DAB1: variants seen among roughly 807,000 people sequenced by gnomAD.
DAB1 encodes the protein disabled homolog 1.
Under a neutral mutation model 64.6 loss-of-function variants are expected in DAB1, and 15 were observed. That is an observed-to-expected ratio of 0.23 (90% confidence interval 0.16 to 0.36). The LOEUF (loss-of-function observed/expected upper bound fraction) is 0.36. DAB1 is among the 10% of genes least tolerant of loss of function. DAB1 has a pLI of 1.00. For synonymous variants in DAB1, 235 were observed against 251.9 expected, an observed-to-expected ratio of 0.93 and a Z score of 0.64; for missense variants, 596 against 706.7, an observed-to-expected ratio of 0.84 and a Z score of 1.78.
intron 2 of DAB1, among the ~76,000 whole-genome samples, chr1:57,274,603 T>G (rs1471317700): frequency 6.6e-6 from 1 of 152,164 alleles, no homozygotes; most frequent in Non-Finnish European, 1.5e-5. Context: ...TGTTTTGAGA[T>G]GGAGTCTTGC....
At chr1:58,457,777 C>G (rs540066289) in intron 3 of DAB1, among the ~76,000 whole-genome samples, 4 of 152,196 alleles carry the variant, frequency 2.6e-5, no homozygotes, top group African/African-American at 9.7e-5. Context: ...TCTGTCCCCC[C>G]AGTCACCTGA....
chr1:57,557,349 C>A (rs1416733891), intron 7 of DAB1, among the ~76,000 whole-genome samples: 1 of 151,874 alleles, frequency 6.6e-6, no homozygotes, highest in African/African-American at 2.4e-5. Context: ...TGCTTCTCAC[C>A]CTGCAGACGG....
chr1:58,203,455 A>G (rs1405165318), intron 4 of DAB1, among the ~76,000 whole-genome samples: 1 of 152,134 alleles, frequency 6.6e-6, no homozygotes, highest in South Asian at 2.1e-4. Context: ...TATTCACCCA[A>G]CTGTCTCCAT....
chr1:57,985,431 C>T (rs964376386), intron 5 of DAB1, among the ~76,000 whole-genome samples: 9 of 152,130 alleles, frequency 5.9e-5, no homozygotes, highest in African/African-American at 1.9e-4. Context: ...AATCCTAACC[C>T]CCAAGGTTAT....
chr1:57,561,242 C>A (rs1645047492), intron 7 of DAB1, among the ~76,000 whole-genome samples: 1 of 152,150 alleles, frequency 6.6e-6, no homozygotes, highest in Non-Finnish European at 1.5e-5. Context: ...TAACAATATG[C>A]AGGAACCATC....
intron 4 of DAB1, among the ~76,000 whole-genome samples, chr1:58,166,992 G>A (rs774723302): frequency 5.3e-5 from 8 of 150,590 alleles, no homozygotes; most frequent in Admixed American, 2.6e-4. Context: ...AGAAATCCAC[G>A]CACCTTGGCC....
At chr1:57,827,702 A>G (rs1205190139) in intron 1 of DAB1, among the ~76,000 whole-genome samples, 2 of 152,016 alleles carry the variant, frequency 1.3e-5, no homozygotes. Context: ...CATGTCTTCC[A>G]CCTTTCGTGA....
intron 3 of DAB1, among the ~76,000 whole-genome samples, chr1:58,388,404 G>A (rs1644451033): frequency 6.6e-6 from 1 of 152,184 alleles, no homozygotes; most frequent in Non-Finnish European, 1.5e-5. Context: ...TTCTCTGATA[G>A]AAAGAGACAG....
intron 2 of DAB1, among the ~76,000 whole-genome samples, chr1:57,198,225 C>G (rs1279526781): frequency 6.6e-6 from 1 of 152,132 alleles, no homozygotes. Context: ...TCCCTCCCTT[C>G]CTAGTGTCTA....
intron 4 of DAB1, among the ~76,000 whole-genome samples, chr1:57,090,177 T>TA (rs1653509806): frequency 6.6e-6 from 1 of 152,192 alleles, no homozygotes; most frequent in Non-Finnish European, 1.5e-5. Context: ...AGAGTGAAGC[T>TA]TATCAAAGAG....
intron 3 of DAB1, among the ~76,000 whole-genome samples, chr1:58,501,505 C>G (rs1225805462): frequency 6.6e-6 from 1 of 152,168 alleles, no homozygotes; most frequent in Non-Finnish European, 1.5e-5. Context: ...AAGGCCCACG[C>G]CCTCCCCCTT....
chr1:57,480,008 C>A (rs61768061), intron 7 of DAB1, among the ~76,000 whole-genome samples: 1 of 151,464 alleles, frequency 6.6e-6, no homozygotes, highest in African/African-American at 2.4e-5. Flanking sequence ...AAAAATTAGC[C>A]GGGCATGGTG....
At chr1:57,626,449 C>A (rs1645924490) in intron 7 of DAB1, among the ~76,000 whole-genome samples, 1 of 152,170 alleles carries the variant, frequency 6.6e-6, no homozygotes, top group Non-Finnish European at 1.5e-5. Flanking sequence ...GTCTAGAGAT[C>A]TAACTGCAGA....
intron 3 of DAB1, chr1:58,480,797 T>C: frequency 2.0e-6 from 1 of 511,760 alleles, no homozygotes; most frequent in South Asian, 3.4e-5. Flanking sequence ...TACATCAATA[T>C]TTCATGAAAA....
intron 4 of DAB1, among the ~76,000 whole-genome samples, chr1:57,105,814 T>C (rs939882493): frequency 1.3e-4 from 20 of 152,208 alleles, no homozygotes; most frequent in Non-Finnish European, 1.8e-4. Flanking sequence ...TTTCATGTTC[T>C]AATTTTATGA....
intron 2 of DAB1, among the ~76,000 whole-genome samples, chr1:57,179,735 C>T (rs1662710814): frequency 6.6e-6 from 1 of 152,050 alleles, no homozygotes; most frequent in African/African-American, 2.4e-5. Flanking sequence ...TAAAAAAATA[C>T]ATACTAGAAA....
chr1:57,413,968 T>A (rs966600953), intron 1 of DAB1, among the ~76,000 whole-genome samples: 1 of 152,104 alleles, frequency 6.6e-6, no homozygotes, highest in African/African-American at 2.4e-5. Flanking sequence ...TGAAACTGAA[T>A]TGCTGTAGTC....
At chr1:57,322,477 GACTTA>G (rs981073272) in intron 1 of DAB1, among the ~76,000 whole-genome samples, 1 of 152,094 alleles carries the variant, frequency 6.6e-6, no homozygotes, top group Non-Finnish European at 1.5e-5. Flanking sequence ...CCAAGCACCT[GACTTA>G]CCCCGTAGAC....
intron 3 of DAB1, among the ~76,000 whole-genome samples, chr1:58,453,677 G>C (rs1463672299): frequency 2.0e-5 from 3 of 152,184 alleles, no homozygotes; most frequent in African/African-American, 7.2e-5. Context: ...ACTTCTCACT[G>C]CCCTCAGGTG....
Sources: gnomAD v4.1 joint callset for allele counts (sites outside exome capture counted in the v4.1 genomes callset) on GRCh38, gnomAD v4.1.1 for gene constraint, MANE v1.5 for transcripts, NCBI Gene and HGNC (gene_info 2026-07-23, HGNC 2026-07-21) for gene names.